The following EEF2K variants were observed in gnomAD, a reference collection of about 807,000 sequenced individuals.
EEF2K encodes alternative protein EEF2K.
A neutral mutation model predicts 93.8 loss-of-function variants in EEF2K; 70 were observed. The ratio of observed to expected loss-of-function variants is 0.75; its 90% CI spans 0.62 to 0.91. EEF2K has a LOEUF of 0.91. EEF2K is among the 40% of genes least tolerant of loss of function. The pLI, the probability that EEF2K is intolerant of heterozygous loss-of-function variation, is 0.00. For synonymous variants in EEF2K, 376 were observed against 380.8 expected (o/e 0.99, Z 0.15); for missense variants, 935 against 972.9 (o/e 0.96, Z 0.52).
At chr16:22,230,700 AT>A (rs1393999327) in intron 2 of EEF2K, among the ~76,000 whole-genome samples, 2 of 152,066 alleles carry the variant, frequency 1.3e-5, no homozygotes, top group Admixed American at 6.6e-5. Context: ...TTTTAAAAAA[AT>A]TTTTTGTAGA....
At chr16:22,233,371 A>G (rs2047135116) in intron 2 of EEF2K, among the ~76,000 whole-genome samples, 1 of 152,120 alleles carries the variant, frequency 6.6e-6, no homozygotes, top group Admixed American at 6.6e-5. Context: ...TTAAGGTGGG[A>G]AATTTTATTT....
At chr16:22,227,576 G>T (rs754035514) in intron 2 of EEF2K, among the ~76,000 whole-genome samples, 2 of 152,134 alleles carry the variant, frequency 1.3e-5, no homozygotes, top group Non-Finnish European at 2.9e-5. Context: ...AGGTGCCAGC[G>T]TGGGTACTTG....
intron 12 of EEF2K, 50 bp downstream of exon 12, chr16:22,263,237 T>A: frequency 6.5e-7 from 1 of 1,549,578 alleles, no homozygotes; most frequent in Admixed American, 2.0e-5. Flanking sequence ...GCCTTGTTTA[T>A]CCTCCAGGAA....
At chr16:22,251,414 T>TTA in intron 6 of EEF2K, 92 bp downstream of exon 6, 11 of 1,390,570 alleles carry the variant, frequency 7.9e-6, no homozygotes, top group Non-Finnish European at 9.5e-6. Context: ...CTATTTCACC[T>TTA]TCTTTTTTTT....
chr16:22,208,683 T>C (rs888168634), intron 1 of EEF2K, among the ~76,000 whole-genome samples: 23 of 151,974 alleles, frequency 1.5e-4, no homozygotes, highest in African/African-American at 5.6e-4. Flanking sequence ...GAGGATTGCT[T>C]GACCCCAGGA....
intron 1 of EEF2K, among the ~76,000 whole-genome samples, chr16:22,222,309 GAT>G (rs1346209840): frequency 1.3e-5 from 2 of 151,668 alleles, no homozygotes; most frequent in Non-Finnish European, 2.9e-5. Flanking sequence ...GGGCTCAAGT[GAT>G]CTTCCCACCT....
rs2047058708 is a variant in EEF2K, at chr16:22,225,891, C to T, written c.162C>T (p.Ser54=). The stretch of plus-strand genomic sequence containing the variant: ...CAAGCTCGAACCAGAATGTCAATTC[C>T]AAGGTTAATAAGTACTACAGCAACC... ...DDPSSNQNVN[S]KVNKYYSNLT... Residue 54 remains serine, a synonymous_variant, in exon 2 of 18, where the codon TCC becomes TCT. Coordinates refer to ENST00000263026, the MANE Select transcript of EEF2K (RefSeq NM_013302.5). 6.2e-7 allele frequency: 1 copy of T among 1,614,038 alleles called. No homozygotes were observed. Among genetic ancestry groups the T allele is most frequent in the Admixed American group, 1.7e-5 (1 of 59,982 alleles).
At chr16:22,263,907 C>G (rs2047491159) in intron 12 of EEF2K, among the ~76,000 whole-genome samples, 1 of 152,156 alleles carries the variant, frequency 6.6e-6, no homozygotes, top group African/African-American at 2.4e-5. Context: ...CAGTATCTGC[C>G]ATTTAGAGGT....
At position 22,251,224 on chromosome 16, in the gene EEF2K, G is replaced by C. The variant is rs148576611; in HGVS notation, c.520G>C (p.Glu174Gln). Residue 174 changes from glutamate to glutamine, a missense_variant, in exon 6 of 18, where the codon GAG (glutamate) becomes CAG (glutamine). Physicochemically the swap from Glu to Gln is conservative, Grantham distance 29. Coordinates refer to ENST00000263026, the MANE Select transcript of EEF2K (RefSeq NM_013302.5). ...ASNYVAKRYIEPVDRDVYFED... is the reference protein window; with the variant it reads ...ASNYVAKRYIQPVDRDVYFED... ...CAACTACGTGGCGAAGCGCTACATC[G>C]AGCCCGTAGACCGGGATGTGTACTT... The C allele has an allele frequency of 6.2e-7, 1 of 1,613,966 alleles. No homozygotes were observed. The highest frequency in any genetic ancestry group is 1.7e-5 in the Admixed American group (1 of 59,976).
chr16:22,262,327 T>C (rs1386667219), intron 11 of EEF2K, among the ~76,000 whole-genome samples: 4 of 152,054 alleles, frequency 2.6e-5, no homozygotes, highest in Non-Finnish European at 2.9e-5. Context: ...CTGGCCAATA[T>C]GGTGAAACCT....
intron 1 of EEF2K, among the ~76,000 whole-genome samples, chr16:22,211,133 C>T (rs2046909743): frequency 6.6e-6 from 1 of 152,202 alleles, no homozygotes; most frequent in Non-Finnish European, 1.5e-5. Context: ...CTCTGTGCCA[C>T]CTGTGGTTTT....
chr16:22,217,641 C>T (rs977777192), intron 1 of EEF2K, among the ~76,000 whole-genome samples: 6 of 152,056 alleles, frequency 3.9e-5, no homozygotes, highest in Admixed American at 6.6e-5. Context: ...TTAGTAGAGA[C>T]GGGGTTTCAC....
intron 16 of EEF2K, among the ~76,000 whole-genome samples, chr16:22,274,566 A>G (rs988907304): frequency 6.6e-6 from 1 of 152,092 alleles, no homozygotes; most frequent in Non-Finnish European, 1.5e-5. Flanking sequence ...GAGAGTGGGT[A>G]TCCCTAGATA....
intron 12 of EEF2K, among the ~76,000 whole-genome samples, chr16:22,264,335 G>T (rs2141678691): frequency 6.6e-6 from 1 of 150,862 alleles, no homozygotes; most frequent in South Asian, 2.1e-4. Flanking sequence ...AGCTGGGCCT[G>T]GTGGCTCACC....
rs376411061 is a variant in EEF2K, at chr16:22,250,646, T to C, written c.409-8T>C. 1 of 1,614,214 alleles carries C rather than the reference T, an allele frequency of 6.2e-7. No homozygotes were observed. Among genetic ancestry groups the C allele is most frequent in the Non-Finnish European group, 8.5e-7 (1 of 1,180,034 alleles). ...GGGACTGATAACACTCTGTGTGGTG[T>C]CTTTCAGCCCTTCGGCCGAGGAGCA... On this transcript the variant is annotated splice_polypyrimidine_tract_variant and splice_region_variant and intron_variant, in intron 4 of 17. Transcript: ENST00000263026.
intron 15 of EEF2K, among the ~76,000 whole-genome samples, chr16:22,267,640 G>C (rs1184058148): frequency 6.6e-6 from 1 of 152,050 alleles, no homozygotes; most frequent in Non-Finnish European, 1.5e-5. Flanking sequence ...CGACCTGAAG[G>C]CCCAAAGGGA....
At chr16:22,235,807 G>GT (rs1042477508) in intron 2 of EEF2K, among the ~76,000 whole-genome samples, 4 of 149,072 alleles carry the variant, frequency 2.7e-5, no homozygotes, top group Admixed American at 6.7e-5. Context: ...CAGTTTGTTT[G>GT]TTTTTTAAGA....
chr16:22,220,193 A>G (rs998333074), intron 1 of EEF2K, among the ~76,000 whole-genome samples: 1 of 152,242 alleles, frequency 6.6e-6, no homozygotes, highest in African/African-American at 2.4e-5. Context: ...CTCAAAAGCC[A>G]TAAAACAGAT....
chr16:22,210,965 T>C (rs2046908228), intron 1 of EEF2K, among the ~76,000 whole-genome samples: 1 of 152,140 alleles, frequency 6.6e-6, no homozygotes, highest in African/African-American at 2.4e-5. Flanking sequence ...AACCAGGGTA[T>C]GGAAAATGGG....
Sources: gnomAD v4.1 joint callset for allele counts (sites outside exome capture counted in the v4.1 genomes callset) on GRCh38, gnomAD v4.1.1 for gene constraint, MANE v1.5 for transcripts, NCBI Gene and HGNC (gene_info 2026-07-23, HGNC 2026-07-21) for gene names.